Variants in PAAF1 observed in about 807,000 individuals in gnomAD.
PAAF1 encodes proteasomal ATPase associated factor 1.
PAAF1 carries 46 observed loss-of-function variants against 52.8 expected under a neutral mutation model. That is an observed-to-expected ratio of 0.87 (90% CI 0.69 to 1.11). The LOEUF (loss-of-function observed/expected upper bound fraction) is 1.11. Among genes scored for constraint, PAAF1 ranks in the 50% most tolerant of loss-of-function variants. The pLI is 0.00. For missense variants in PAAF1, 424 were observed against 477.4 expected, an observed-to-expected ratio of 0.89 and a Z score of 1.04; for synonymous variants, 178 against 172.8, an observed-to-expected ratio of 1.03 and a Z score of -0.24.
At chr11:73,882,417 GTGTT>G (rs1948940051) in intron 2 of PAAF1, among the ~76,000 whole-genome samples, 1 of 150,630 alleles carries the variant, frequency 6.6e-6, no homozygotes, top group Admixed American at 6.6e-5. Context: ...GTTTCTGTGT[GTGTT>G]TATTTTTATT....
intron 2 of PAAF1, among the ~76,000 whole-genome samples, chr11:73,885,991 GT>G (rs1949048275): frequency 6.6e-6 from 1 of 152,146 alleles, no homozygotes; most frequent in African/African-American, 2.4e-5. Context: ...TTCACAGTCT[GT>G]TGGGCAAGTC....
intron 10 of PAAF1, among the ~76,000 whole-genome samples, chr11:73,920,985 C>T (rs1950201034): frequency 6.6e-6 from 1 of 151,926 alleles, no homozygotes. Context: ...TCTGTCCTAT[C>T]TACAGGCCAT....
At chr11:73,900,224 G>C in intron 5 of PAAF1, 46 bp from the exon 6 acceptor site, 1 of 1,547,174 alleles carries the variant, frequency 6.5e-7, no homozygotes, top group East Asian at 2.3e-5. Context: ...AGAACATCAA[G>C]GGATGGACAA....
At chr11:73,877,461 C>T (rs1430243017) in intron 1 of PAAF1, among the ~76,000 whole-genome samples, 1 of 152,130 alleles carries the variant, frequency 6.6e-6, no homozygotes. Flanking sequence ...CTCCTAGGCC[C>T]CTAATGCTAT....
intron 4 of PAAF1, among the ~76,000 whole-genome samples, chr11:73,897,837 G>T (rs1203948436): frequency 6.6e-6 from 1 of 151,854 alleles, no homozygotes; most frequent in African/African-American, 2.4e-5. Flanking sequence ...AGGCTGCTGG[G>T]AGGTGGAGGT....
chr11:73,926,901 C>T (rs975157858), intron 11 of PAAF1, among the ~76,000 whole-genome samples: 15 of 151,894 alleles, frequency 9.9e-5, no homozygotes, highest in African/African-American at 3.6e-4. Context: ...AAATCCTCCT[C>T]AGAAAAAAAG....
intron 10 of PAAF1, among the ~76,000 whole-genome samples, chr11:73,922,548 T>G (rs760235963): frequency 6.6e-6 from 1 of 152,118 alleles, no homozygotes; most frequent in African/African-American, 2.4e-5. Context: ...CCGGGCACAG[T>G]GGCTCACACC....
At chr11:73,897,774 C>T (rs1348763571) in intron 4 of PAAF1, among the ~76,000 whole-genome samples, 1 of 151,954 alleles carries the variant, frequency 6.6e-6, no homozygotes, top group East Asian at 1.9e-4. Flanking sequence ...ACTTCCCAGA[C>T]AGGGTGGCGG....
At chr11:73,897,259 C>T (rs1949425367) in intron 4 of PAAF1, among the ~76,000 whole-genome samples, 2 of 148,246 alleles carry the variant, frequency 1.3e-5, no homozygotes, top group African/African-American at 2.5e-5. Flanking sequence ...CCCTCCCGGA[C>T]GGGGCGGCTG....
At chr11:73,900,652 T>C (rs1949574465) in intron 6 of PAAF1, among the ~76,000 whole-genome samples, 1 of 152,196 alleles carries the variant, frequency 6.6e-6, no homozygotes, top group East Asian at 1.9e-4. Context: ...CTTTTCCAGC[T>C]GGGTGCAGTG....
rs2135246044 is a variant in PAAF1 at position 73,928,479 on chromosome 11, A to G, written c.*1117A>G. The G allele has an allele frequency of 6.6e-6, 1 of 152,268 alleles. No individual in the cohort carries two copies. The highest frequency in any genetic ancestry group is 1.5e-5 in the Non-Finnish European group (1 of 68,032). 9.4% of individuals were successfully genotyped at this position (152,268 alleles called of 1,614,324 possible). On this transcript the variant is annotated 3_prime_UTR_variant, in exon 12 of 12. Coordinates refer to ENST00000310571, the MANE Select transcript of PAAF1 (RefSeq NM_025155.3). ...AAACATAAAAATGGAATCATAATGT[A>G]TGTATTCCATGGCTTATTTTCACTT... is the stretch of plus-strand genomic sequence containing the variant.
At chr11:73,920,282 C>T (rs150151107) in intron 10 of PAAF1, among the ~76,000 whole-genome samples, 1,583 of 152,038 alleles carry the variant, frequency 0.01, 32 homozygotes, top group African/African-American at 0.035. Flanking sequence ...GCCTATAATC[C>T]CAGCATTTTG....
At position 73,930,445 on chromosome 11, in the gene PAAF1, C is replaced by CA. The variant is rs1315869908; in HGVS notation, c.*3084dup. 1.3e-5 allele frequency: 2 copies of CA among 149,636 alleles called. No individual in the cohort carries two copies. The highest frequency in any genetic ancestry group is 4.9e-5 in the African/African-American group (2 of 40,628). 9.3% of individuals were successfully genotyped at this position (149,636 alleles called of 1,614,324 possible). A position where few individuals can be genotyped will look rare whatever the true frequency, so the allele number is the denominator to read the frequency against. On this transcript the variant is annotated 3_prime_UTR_variant, in exon 12 of 12. Coordinates refer to ENST00000310571, the MANE Select transcript of PAAF1 (RefSeq NM_025155.3). ...TTGTAGAATCTGAAACATTTGAACT[C>CA]ATAGAAGCAGTGAGTGGAAGAACCA...
intron 4 of PAAF1, among the ~76,000 whole-genome samples, chr11:73,894,080 G>A (rs1949279851): frequency 6.6e-6 from 1 of 152,134 alleles, no homozygotes; most frequent in Non-Finnish European, 1.5e-5. Context: ...TGGGATTATA[G>A]GTATAAGCCA....
chr11:73,896,549 C>T (rs932379924), intron 4 of PAAF1, among the ~76,000 whole-genome samples: 1 of 151,276 alleles, frequency 6.6e-6, no homozygotes, highest in African/African-American at 2.4e-5. Context: ...GCACATCTTG[C>T]ACCGCCCTTA....
intron 10 of PAAF1, among the ~76,000 whole-genome samples, chr11:73,920,590 C>T (rs1950186392): frequency 6.6e-6 from 1 of 152,054 alleles, no homozygotes; most frequent in Admixed American, 6.5e-5. Context: ...TGGTGGCTCA[C>T]ACCTGTAATC....
chr11:73,897,369 G>A (rs575439440), intron 4 of PAAF1, among the ~76,000 whole-genome samples: 2 of 149,964 alleles, frequency 1.3e-5, no homozygotes, highest in African/African-American at 5.0e-5. Context: ...CTGGGCGGAG[G>A]GGCTCCTCAC....
chr11:73,877,222 A>G (rs575724226), intron 1 of PAAF1, 154 bp downstream of exon 1: 5 of 725,430 alleles, frequency 6.9e-6, no homozygotes, highest in Non-Finnish European at 1.0e-5. Flanking sequence ...AGAAGTATCA[A>G]ACCCGTATGG....
At chr11:73,925,721 C>T (rs1036472660) in intron 11 of PAAF1, among the ~76,000 whole-genome samples, 1 of 152,060 alleles carries the variant, frequency 6.6e-6, no homozygotes, top group African/African-American at 2.4e-5. Flanking sequence ...TATACGTTAT[C>T]TCATGTAATC....
Sources: allele counts gnomAD v4.1 joint callset (sites outside exome capture counted in the v4.1 genomes callset), GRCh38; gene constraint gnomAD v4.1.1; transcripts MANE v1.5; gene names NCBI Gene and HGNC (gene_info 2026-07-23, HGNC 2026-07-21).